The following COL5A1 variants were observed in gnomAD, a reference collection of about 807,000 sequenced individuals.
COL5A1 encodes the protein collagen alpha-1(V) chain.
In COL5A1, 16 loss-of-function variants were observed where a neutral mutation model predicts 263.7. The ratio of observed to expected loss-of-function variants is 0.06; its 90% CI spans 0.04 to 0.09. The LOEUF is 0.09. COL5A1 is among the 10% of genes least tolerant of loss of function. The pLI is 1.00. For missense variants in COL5A1, 2,036 were observed against 2,540.5 expected, an observed-to-expected ratio of 0.80 and a Z score of 4.27; for synonymous variants, 1,012 against 1,004.5, an observed-to-expected ratio of 1.01 and a Z score of -0.14.
intron 1 of COL5A1, among the ~76,000 whole-genome samples, chr9:134,644,135 C>T (rs1435852122): frequency 6.6e-6 from 1 of 151,866 alleles, no homozygotes; most frequent in Non-Finnish European, 1.5e-5. Flanking sequence ...CAGGGTGGGA[C>T]CTATTTGGAA....
rs2132699382 is a variant in COL5A1, at chr9:134,758,435, C to T, written c.1935+139C>T. The T allele has an allele frequency of 3.6e-6, 3 of 833,378 alleles. No individual in the cohort carries two copies. The South Asian group carries it at 4.4e-5, about 12-fold the overall frequency. 51.6% of individuals were successfully genotyped at this position (833,378 alleles called of 1,614,324 possible). ...ATTCCAACAGTCAGTATACAAACCT[C>T]ACGGGAGTCAGCAATGGCAGTGAGC... On this transcript the variant is annotated intron_variant, in intron 18 of 65. Transcript: ENST00000371817. This position sits in a 1 kb window ranked among gnomAD's most constrained non-coding sequence, Gnocchi z 4.1.
chr9:134,715,828 A>T (rs1834240891), intron 4 of COL5A1, among the ~76,000 whole-genome samples: 2 of 152,184 alleles, frequency 1.3e-5, no homozygotes, highest in Admixed American at 6.6e-5. Flanking sequence ...AACAAAGTGG[A>T]GTCTCTTATG....
At chr9:134,787,250 CAT>C (rs973541214) in intron 31 of COL5A1, among the ~76,000 whole-genome samples, 2 of 152,296 alleles carry the variant, frequency 1.3e-5, no homozygotes, top group African/African-American at 4.8e-5. Flanking sequence ...AGGAATGGTA[CAT>C]GTGTCCTGGG....
rs376100667 is a variant in COL5A1, at chr9:134,796,772, C to A, written c.2845-76C>A. ...ATGACACCTGCGTTCAGAGAGCCAC[C>A]GGCACAGGCAGGTCAGCGGCAGGAG... is the stretch of plus-strand genomic sequence containing the variant. On this transcript the variant is annotated intron_variant, in intron 35 of 65. Coordinates refer to ENST00000371817, the MANE Select transcript of COL5A1 (RefSeq NM_000093.5). 5 of 1,368,422 alleles carry A rather than the reference C, an allele frequency of 3.7e-6. No individual in the cohort carries two copies. In the Admixed American group the frequency reaches 6.7e-5, roughly 18 times the overall value. The allele number at this position is 1,368,422 out of a possible 1,614,324, so 84.8% of individuals were successfully genotyped here.
rs77581500 is a variant in COL5A1 at position 134,763,550 on chromosome 9, C to A, written c.1990-143C>A. The A allele has an allele frequency of 3.6e-3, 3,023 of 840,476 alleles. 13 individuals carry two copies. Among genetic ancestry groups the A allele is most frequent in the African/African-American group, 0.013 (810 of 60,024 alleles). 52.1% of individuals were successfully genotyped at this position (840,476 alleles called of 1,614,324 possible). On this transcript the variant is annotated intron_variant, in intron 19 of 65. Transcript: ENST00000371817. ...TTGCTGGGAGCGAGGACATTCCAGG[C>A]CTTTCCGGCTGGTACCAGAGCTGGT...
intron 4 of COL5A1, among the ~76,000 whole-genome samples, chr9:134,720,743 G>T (rs182163331): frequency 2.0e-3 from 306 of 152,292 alleles, no homozygotes; most frequent in African/African-American, 7.0e-3. Context: ...GGCTCCCAGG[G>T]GCTGGTTGCC....
chr9:134,759,572 CCA>C (rs1217418900), intron 18 of COL5A1, among the ~76,000 whole-genome samples: 16 of 140,668 alleles, frequency 1.1e-4, no homozygotes, highest in Non-Finnish European at 2.0e-4. Context: ...CATGCACACA[CCA>C]CACACCCCCA....
intron 63 of COL5A1, among the ~76,000 whole-genome samples, chr9:134,828,758 A>T (rs1396538302): frequency 1.0e-5 from 1 of 99,594 alleles, no homozygotes; most frequent in East Asian, 3.3e-4. Flanking sequence ...CACGCACATG[A>T]TACATACCAC....
Position 134,812,699 on chromosome 9 carries a change from C to T in COL5A1, c.3839C>T (p.Ala1280Val). The T allele has an allele frequency of 6.3e-7, 1 of 1,578,712 alleles. No individual in the cohort carries two copies. The highest frequency in any genetic ancestry group is 1.9e-5 in the Admixed American group (1 of 53,490). ...CCAGGTGGAATAGGAAACCCTGGTGCAGTGGGAGAGAAGGTGAGGCTCGTG... is the reference window on the plus strand; with the variant it reads ...CCAGGTGGAATAGGAAACCCTGGTGTAGTGGGAGAGAAGGTGAGGCTCGTG... Reference protein sequence around the residue: ...GPPGGIGNPGAVGEKGEPGEA... With the variant: ...GPPGGIGNPGVVGEKGEPGEA... The change falls in exon 48 of 66, where the codon GCA becomes GTA. Residue 1280 changes from alanine to valine, a missense_variant. Transcript: ENST00000371817.
intron 2 of COL5A1, among the ~76,000 whole-genome samples, chr9:134,695,166 G>A (rs542841077): frequency 7.9e-5 from 12 of 152,146 alleles, no homozygotes; most frequent in Non-Finnish European, 1.3e-4. Flanking sequence ...CTTTTCCTCC[G>A]TACCCCTCTT....
intron 32 of COL5A1, 46 bp from the exon 33 acceptor site, chr9:134,795,036 G>T: frequency 1.2e-6 from 2 of 1,602,682 alleles, no homozygotes; most frequent in Non-Finnish European, 1.7e-6. Context: ...CCTGAGCAGG[G>T]CCGGGCATTT....
In COL5A1 at chr9:134,642,208, G is replaced by T; in HGVS notation, c.21G>T (p.Trp7Cys). The change falls in exon 1 of 66, where the codon TGG (tryptophan) becomes TGT (cysteine). Residue 7 changes from tryptophan to cysteine, a missense_variant. By Grantham distance (215) the Trp-to-Cys change is radical. This residue lies in a region of COL5A1 where 600 missense variants were observed against 634.5 expected (regional missense o/e 0.95). Coordinates refer to ENST00000371817, the MANE Select transcript of COL5A1 (RefSeq NM_000093.5). The surrounding 1 kb of genome is among the most constrained non-coding windows in gnomAD (Gnocchi z 4.5). ...CCGGCATGGACGTCCATACCCGCTG[G>T]AAAGCGCGCAGCGCGCTCCGCCCGG... MDVHTRWKARSALRPGA... is the reference protein window; with the variant it reads MDVHTRCKARSALRPGA... 1 of 1,306,114 alleles carries T rather than the reference G, an allele frequency of 7.7e-7. No homozygotes were observed. Among genetic ancestry groups the T allele is most frequent in the Non-Finnish European group, 9.8e-7 (1 of 1,025,292 alleles). 80.9% of individuals were successfully genotyped at this position (1,306,114 alleles called of 1,614,324 possible). A position where few individuals can be genotyped will look rare whatever the true frequency, so the allele number is the denominator to read the frequency against.
rs1331121211 is a variant in COL5A1 at position 134,712,247 on chromosome 9, T to C, written c.654+10914T>C. Among the ~76,000 whole-genome samples the C allele has an allele frequency of 1.3e-3, 29 of 23,046 alleles. 1 individual carries two copies. Among genetic ancestry groups the C allele is most frequent in the African/African-American group, 5.3e-3 (26 of 4,904 alleles). 15.1% of individuals were successfully genotyped at this position (23,046 alleles called of 152,430 possible). ...GCCCCCTTCTTCTTATCCCCCTTCT[T>C]CCTTCCTCCCCCCTCCTTCCTGACT... On this transcript the variant is annotated intron_variant, in intron 4 of 65. Transcript: ENST00000371817.
Position 134,812,595 on chromosome 9 carries a change from C to T in COL5A1, c.3745-10C>T. 1 of 1,609,804 alleles carries T rather than the reference C, an allele frequency of 6.2e-7. No individual in the cohort carries two copies. The highest frequency in any genetic ancestry group is 8.5e-7 in the Non-Finnish European group (1 of 1,177,390). ...TTCCTCTGGGCTCAGTGGTCTCTCC[C>T]TTTTCCTAGGGCCCCCCGGGTCCCC... On this transcript the variant is annotated splice_polypyrimidine_tract_variant and intron_variant, in intron 47 of 65. Coordinates refer to ENST00000371817, the MANE Select transcript of COL5A1 (RefSeq NM_000093.5).
At chr9:134,772,680 G>C in intron 25 of COL5A1, 110 bp from the exon 26 acceptor site, 2 of 1,181,850 alleles carry the variant, frequency 1.7e-6, no homozygotes, top group Non-Finnish European at 2.5e-6. Flanking sequence ...TTTTCCTGGG[G>C]AGGAAGGGAA....
chr9:134,838,609 C>T (rs1007259439), intron 65 of COL5A1, among the ~76,000 whole-genome samples: 7 of 152,178 alleles, frequency 4.6e-5, no homozygotes, highest in African/African-American at 7.2e-5. Flanking sequence ...CCATGGCAGG[C>T]GTTCCTGAGT....
In COL5A1 at chr9:134,700,620, C is replaced by T. The variant is rs753235853; in HGVS notation, c.491+498C>T. Among the ~76,000 whole-genome samples, 15 of 152,252 alleles carry T rather than the reference C, an allele frequency of 9.9e-5. 1 individual carries two copies. The highest frequency in any genetic ancestry group is 3.9e-4 in the Admixed American group (6 of 15,288). On this transcript the variant is annotated intron_variant, in intron 3 of 65. Coordinates refer to ENST00000371817, the MANE Select transcript of COL5A1 (RefSeq NM_000093.5). This position sits in a 1 kb window ranked among gnomAD's most constrained non-coding sequence, Gnocchi z 4.0. ...TGTGAGGTCATGCCCTGATAATCTC[C>T]GAACGTCTTCAATACATGATTTCTG...
At chr9:134,753,814 C>G (rs376267364) in intron 14 of COL5A1, 36 bp from the exon 15 acceptor site, 1 of 1,583,936 alleles carries the variant, frequency 6.3e-7, no homozygotes, top group African/African-American at 1.3e-5. Context: ...GAGTCCCCAC[C>G]TCGAGCAGAC....
rs114679817 is a variant in COL5A1, at chr9:134,713,346, G to A, written c.654+12013G>A. Among the ~76,000 whole-genome samples, 572 of 152,312 alleles carry A rather than the reference G, an allele frequency of 3.8e-3. 2 individuals carry two copies. The highest frequency in any genetic ancestry group is 0.012 in the African/African-American group (519 of 41,574). On this transcript the variant is annotated intron_variant, in intron 4 of 65. Transcript: ENST00000371817. The stretch of plus-strand genomic sequence containing the variant: ...CTGGCTCCTAACATAACCCCAGAGC[G>A]CTCCTCCCTCCCAGTCTGCAGCCAC...
Sources: allele counts gnomAD v4.1 joint callset (sites outside exome capture counted in the v4.1 genomes callset), GRCh38; gene constraint gnomAD v4.1.1; regional missense constraint gnomAD v4.1.1; non-coding constraint Gnocchi (gnomAD v3.1); transcripts MANE v1.5; gene names NCBI Gene and HGNC (gene_info 2026-07-23, HGNC 2026-07-21).